Variants in NLGN1 observed in about 807,000 individuals in gnomAD.
NLGN1 encodes neuroligin-1.
In NLGN1, 12 loss-of-function variants were observed where a neutral mutation model predicts 65.5. The observed-to-expected ratio is 0.18, with a 90% CI of 0.12 to 0.30. The LOEUF (loss-of-function observed/expected upper bound fraction) is 0.30, where lower values mean the gene tolerates loss of function less well. Among genes scored for constraint, NLGN1 ranks in the 10% least tolerant of loss-of-function variants. NLGN1 has a pLI of 1.00. For synonymous variants in NLGN1, 350 were observed against 359.5 expected, an observed-to-expected ratio of 0.97 and a Z score of 0.30; for missense variants, 750 against 1,007.1, an observed-to-expected ratio of 0.74 and a Z score of 3.46.
rs377275703 is a variant in NLGN1 at position 173,671,628 on chromosome 3, A to C, written c.493+66537A>C. ...GTTTGGCACTTTGGTCAATCTCCCAACACTTTTGCATATACCTTACTCTTT... is the reference window on the plus strand; with the variant it reads ...GTTTGGCACTTTGGTCAATCTCCCACCACTTTTGCATATACCTTACTCTTT... On this transcript the variant is annotated intron_variant, in intron 3 of 6. Coordinates refer to ENST00000457714, the Ensembl canonical transcript of NLGN1. 6.0e-4 allele frequency among the ~76,000 whole-genome samples: 91 copies of C among 152,282 alleles called. 1 individual carries two copies. Among genetic ancestry groups the C allele is most frequent in the African/African-American group, 2.2e-3 (90 of 41,558 alleles).
intron 4 of NLGN1, among the ~76,000 whole-genome samples, chr3:173,927,676 G>A (rs1264068965): frequency 1.3e-5 from 2 of 152,110 alleles, no homozygotes; most frequent in Non-Finnish European, 2.9e-5. Flanking sequence ...TAGGATTGGA[G>A]GAGACAAGGG....
rs577675724 is a variant in NLGN1 at position 174,275,217 on chromosome 3, C to T, written c.647-98C>T. 5.9e-6 allele frequency: 5 copies of T among 852,112 alleles called. No individual in the cohort carries two copies. In the East Asian group the frequency reaches 1.2e-4, roughly 21 times the overall value. The allele number at this position is 852,112 out of a possible 1,614,324, so 52.8% of individuals were successfully genotyped here. On this transcript the variant is annotated intron_variant, in intron 4 of 6. Transcript: ENST00000457714. ...ATTTTTACTAATGAACTTGGACTGT[C>T]CCTACCTTGATTAATACAGGCTTCA...
At chr3:173,822,571 T>C (rs1162602640) in intron 4 of NLGN1, among the ~76,000 whole-genome samples, 1 of 152,126 alleles carries the variant, frequency 6.6e-6, no homozygotes, top group East Asian at 1.9e-4. Flanking sequence ...AATTAGATCC[T>C]TATTATGTAT....
intron 2 of NLGN1, among the ~76,000 whole-genome samples, chr3:173,493,628 G>C (rs1386208426): frequency 6.6e-6 from 1 of 151,768 alleles, no homozygotes; most frequent in Non-Finnish European, 1.5e-5. Flanking sequence ...CATGGAAATA[G>C]TACTGTCATA....
At chr3:173,884,617 C>T (rs1733975001) in intron 4 of NLGN1, among the ~76,000 whole-genome samples, 1 of 151,984 alleles carries the variant, frequency 6.6e-6, no homozygotes, top group African/African-American at 2.4e-5. Context: ...ATGGAGGAAA[C>T]TAAAAGTTTC....
chr3:173,673,580 G>A (rs531619657), intron 3 of NLGN1, among the ~76,000 whole-genome samples: 13 of 152,276 alleles, frequency 8.5e-5, no homozygotes, highest in African/African-American at 2.9e-4. Flanking sequence ...GGTGCATTTA[G>A]TTCCTAAAAT....
intron 4 of NLGN1, among the ~76,000 whole-genome samples, chr3:174,072,818 G>A (rs1418088660): frequency 6.6e-6 from 1 of 152,134 alleles, no homozygotes; most frequent in Non-Finnish European, 1.5e-5. Flanking sequence ...GAGTAGCAAT[G>A]AGGAAGTTAA....
chr3:173,953,298 A>G (rs1488923205), intron 4 of NLGN1, among the ~76,000 whole-genome samples: 3 of 152,218 alleles, frequency 2.0e-5, no homozygotes, highest in Admixed American at 6.5e-5. Flanking sequence ...TTATCATTAC[A>G]TAAGTTGTTT....
rs973727182 is a variant in NLGN1, at chr3:173,708,080, T to A, written c.494-99600T>A. Among the ~76,000 whole-genome samples, 7 of 152,224 alleles carry A rather than the reference T, an allele frequency of 4.6e-5. No homozygotes were observed. In the South Asian group the frequency reaches 1.4e-3, roughly 31 times the overall value. The stretch of plus-strand genomic sequence containing the variant: ...TATTAGCAATTATATAAAAATTATA[T>A]TTTGATCATCACAGTTTTGCATTGA... On this transcript the variant is annotated intron_variant, in intron 3 of 6. Transcript: ENST00000457714.
At chr3:173,558,902 T>TTGA (rs1279721904) in intron 2 of NLGN1, among the ~76,000 whole-genome samples, 1 of 149,114 alleles carries the variant, frequency 6.7e-6, no homozygotes, top group East Asian at 1.9e-4. Context: ...TTGATTTTTG[T>TTGA]TGTTGTTGTT....
intron 4 of NLGN1, among the ~76,000 whole-genome samples, chr3:174,190,497 G>A (rs1307825874): frequency 6.6e-6 from 1 of 151,844 alleles, no homozygotes; most frequent in East Asian, 1.9e-4. Flanking sequence ...TAGACTTATT[G>A]TAAAAATATT....
At chr3:173,545,359 C>T (rs2149245863) in intron 2 of NLGN1, among the ~76,000 whole-genome samples, 1 of 152,150 alleles carries the variant, frequency 6.6e-6, no homozygotes, top group Non-Finnish European at 1.5e-5. Context: ...CAGGCATGAA[C>T]CACCATGCCT....
chr3:173,457,498 G>C (rs899723442), intron 2 of NLGN1, among the ~76,000 whole-genome samples: 3 of 152,086 alleles, frequency 2.0e-5, no homozygotes, highest in Admixed American at 1.3e-4. Context: ...GGTTTTTAGA[G>C]GCCATGCCAA....
chr3:173,415,519 G>A (rs963883218), intron 1 of NLGN1, among the ~76,000 whole-genome samples: 2 of 152,172 alleles, frequency 1.3e-5, no homozygotes, highest in Non-Finnish European at 2.9e-5. Context: ...ACATAGGTAA[G>A]TTTTGACTTT....
intron 3 of NLGN1, among the ~76,000 whole-genome samples, chr3:173,758,117 A>G (rs547323920): frequency 5.9e-4 from 89 of 152,120 alleles, no homozygotes; most frequent in African/African-American, 2.1e-3. Context: ...GAAGAAACAG[A>G]GAGAAAACTC....
At chr3:173,649,031 A>T (rs546872581) in intron 3 of NLGN1, among the ~76,000 whole-genome samples, 1 of 152,218 alleles carries the variant, frequency 6.6e-6, no homozygotes. Context: ...AGATGAACAG[A>T]TAAATTGTGA....
intron 3 of NLGN1, among the ~76,000 whole-genome samples, chr3:173,732,790 A>G (rs1773056995): frequency 6.6e-6 from 1 of 152,110 alleles, no homozygotes; most frequent in African/African-American, 2.4e-5. Context: ...TCTTCATTTG[A>G]TAGTGACTTT....
At chr3:173,449,508 G>A (rs1422478024) in intron 2 of NLGN1, among the ~76,000 whole-genome samples, 3 of 152,190 alleles carry the variant, frequency 2.0e-5, no homozygotes, top group Non-Finnish European at 2.9e-5. Context: ...TGTAATAGGT[G>A]TGGTGTGGTG....
intron 3 of NLGN1, among the ~76,000 whole-genome samples, chr3:173,764,088 T>C (rs1778401683): frequency 6.6e-6 from 1 of 152,208 alleles, no homozygotes; most frequent in African/African-American, 2.4e-5. Flanking sequence ...AAGTTGCCTG[T>C]GACATTTTCA....
Sources: gnomAD v4.1 joint callset for allele counts (sites outside exome capture counted in the v4.1 genomes callset) on GRCh38, gnomAD v4.1.1 for gene constraint, MANE v1.5 for transcripts, NCBI Gene and HGNC (gene_info 2026-07-23, HGNC 2026-07-21) for gene names.